The following WDR41 variants were observed in gnomAD, a reference collection of about 807,000 sequenced individuals.
WDR41 encodes WD repeat-containing protein 41.
Under a neutral mutation model 69.3 loss-of-function variants are expected in WDR41, and 63 were observed. That is an observed-to-expected ratio of 0.91 (90% CI 0.74 to 1.12). WDR41 has a LOEUF of 1.12. Ranked by LOEUF, WDR41 falls within the 50% of genes most tolerant of loss-of-function variation. The pLI is 0.00. For synonymous variants in WDR41, 185 were observed against 192.1 expected, an observed-to-expected ratio of 0.96 and a Z score of 0.31; for missense variants, 543 against 534.5, an observed-to-expected ratio of 1.02 and a Z score of -0.16.
At chr5:77,531,552 G>A (rs1802529057) in intron 1 of WDR41, among the ~76,000 whole-genome samples, 1 of 151,866 alleles carries the variant, frequency 6.6e-6, no homozygotes. Flanking sequence ...ATTGGTAGTG[G>A]GAATGTTCAG....
intron 1 of WDR41, among the ~76,000 whole-genome samples, chr5:77,613,404 G>T (rs1433458686): frequency 6.6e-6 from 1 of 152,026 alleles, no homozygotes; most frequent in East Asian, 1.9e-4. Context: ...ATACTACAAG[G>T]CTACAGTAAC....
chr5:77,547,633 T>C (rs1319355211), intron 1 of WDR41, among the ~76,000 whole-genome samples: 1 of 147,260 alleles, frequency 6.8e-6, no homozygotes, highest in Non-Finnish European at 1.5e-5. Context: ...AAAACATAGA[T>C]GCCACAAACA....
intron 1 of WDR41, among the ~76,000 whole-genome samples, chr5:77,533,879 A>G (rs1214003266): frequency 1.3e-5 from 2 of 152,200 alleles, no homozygotes; most frequent in Middle Eastern, 6.8e-3. Flanking sequence ...TTTTCCACAT[A>G]TTAAAGAGCT....
chr5:77,613,781 C>A (rs1744615604), intron 1 of WDR41, among the ~76,000 whole-genome samples: 1 of 152,078 alleles, frequency 6.6e-6, no homozygotes, highest in South Asian at 2.1e-4. Flanking sequence ...CAACAAAAAC[C>A]AAAATTGACA....
intron 1 of WDR41, among the ~76,000 whole-genome samples, chr5:77,505,958 A>T (rs147879608): frequency 0.024 from 3,730 of 152,302 alleles, 135 homozygotes; most frequent in African/African-American, 0.083. Flanking sequence ...AGGCAATACC[A>T]TTCAGGACAT....
intron 2 of WDR41, among the ~76,000 whole-genome samples, chr5:77,469,723 T>G (rs1397685347): frequency 1.5e-5 from 2 of 136,138 alleles, no homozygotes; most frequent in Admixed American, 1.5e-4. Flanking sequence ...AGAAGAGAAA[T>G]TTAGAGAAAA....
intron 1 of WDR41, among the ~76,000 whole-genome samples, chr5:77,540,207 G>A (rs991340950): frequency 2.0e-5 from 3 of 152,312 alleles, no homozygotes; most frequent in South Asian, 2.1e-4. Flanking sequence ...GCAGGACCCC[G>A]TGGGATGAGT....
At chr5:77,562,679 C>T (rs1283641775) in intron 1 of WDR41, among the ~76,000 whole-genome samples, 1 of 152,136 alleles carries the variant, frequency 6.6e-6, no homozygotes, top group Non-Finnish European at 1.5e-5. Context: ...GCCTATGCAT[C>T]ATATTGGCTA....
intron 1 of WDR41, chr5:77,546,352 A>C (rs3846674): frequency 3.9e-5 from 9 of 231,952 alleles, no homozygotes; most frequent in Non-Finnish European, 2.5e-5. Context: ...GAAATGATAA[A>C]TAAAATCGAT....
chr5:77,451,554 T>C (rs1799629239), intron 6 of WDR41: 2 of 565,772 alleles, frequency 3.5e-6, no homozygotes, highest in Non-Finnish European at 6.3e-6. Flanking sequence ...GAAGACATTA[T>C]TGATTTATTA....
chr5:77,471,198 G>C (rs1480743044), intron 2 of WDR41, among the ~76,000 whole-genome samples: 2 of 152,148 alleles, frequency 1.3e-5, no homozygotes, highest in East Asian at 3.8e-4. Flanking sequence ...ACAAAGTGAA[G>C]GCAGAAATAA....
intron 1 of WDR41, among the ~76,000 whole-genome samples, chr5:77,497,969 G>A (rs571328335): frequency 1.3e-5 from 2 of 152,282 alleles, no homozygotes; most frequent in Non-Finnish European, 2.9e-5. Context: ...GAAAACATAT[G>A]TTAAGTGAAA....
intron 1 of WDR41, among the ~76,000 whole-genome samples, chr5:77,569,956 A>G (rs888225833): frequency 6.6e-6 from 1 of 152,220 alleles, no homozygotes; most frequent in Admixed American, 6.5e-5. Flanking sequence ...TCAGCATACA[A>G]GCACATCCAG....
intron 1 of WDR41, among the ~76,000 whole-genome samples, chr5:77,619,738 G>A (rs1744741462): frequency 6.6e-6 from 1 of 151,832 alleles, no homozygotes; most frequent in Non-Finnish European, 1.5e-5. Flanking sequence ...AGGAAAAGGG[G>A]TGTTTTTTGT....
At chr5:77,438,840 C>T (rs149641997) in intron 9 of WDR41, among the ~76,000 whole-genome samples, 7 of 152,268 alleles carry the variant, frequency 4.6e-5, no homozygotes, top group Middle Eastern at 3.4e-3. Flanking sequence ...GCTACAGTGG[C>T]ATTATCATCA....
intron 9 of WDR41, 75 bp from the exon 10 acceptor site, chr5:77,438,436 T>G: frequency 6.4e-7 from 1 of 1,567,318 alleles, no homozygotes; most frequent in Non-Finnish European, 8.7e-7. Context: ...CCAGCCCTCA[T>G]GTGACATCAG....
chr5:77,561,096 T>C (rs554628591), intron 1 of WDR41, among the ~76,000 whole-genome samples: 3 of 152,182 alleles, frequency 2.0e-5, no homozygotes, highest in Non-Finnish European at 4.4e-5. Flanking sequence ...CATTGTTTTG[T>C]TGAATATCAT....
chr5:77,489,253 C>T (rs1341053075), intron 2 of WDR41, among the ~76,000 whole-genome samples: 4 of 152,086 alleles, frequency 2.6e-5, no homozygotes, highest in Non-Finnish European at 5.9e-5. Context: ...TCACCAGACA[C>T]GACACCCTGA....
chr5:77,536,342 A>G (rs1173244978), intron 1 of WDR41, among the ~76,000 whole-genome samples: 1 of 152,128 alleles, frequency 6.6e-6, no homozygotes, highest in African/African-American at 2.4e-5. Context: ...AGAGTGCAAT[A>G]AAAGAGATAA....
Sources: gnomAD v4.1 joint callset for allele counts (sites outside exome capture counted in the v4.1 genomes callset) on GRCh38, gnomAD v4.1.1 for gene constraint, MANE v1.5 for transcripts, NCBI Gene and HGNC (gene_info 2026-07-23, HGNC 2026-07-21) for gene names.